Variants in PPP2R3A observed in about 807,000 individuals in gnomAD.
PPP2R3A encodes the protein serine/threonine-protein phosphatase 2A regulatory subunit B'' subunit alpha.
PPP2R3A carries 80 observed loss-of-function variants against 106.9 expected under a neutral mutation model. The observed-to-expected ratio is 0.75, with a 90% CI of 0.62 to 0.90. The LOEUF (loss-of-function observed/expected upper bound fraction) is 0.90, where lower values mean the gene tolerates loss of function less well. PPP2R3A is among the 40% of genes least tolerant of loss of function. The pLI is 0.00. For synonymous variants in PPP2R3A, 483 were observed against 468.3 expected (o/e 1.03, Z -0.41); for missense variants, 1,386 against 1,350.4 (o/e 1.03, Z -0.41).
At chr3:136,098,276 A>G (rs935987953) in intron 10 of PPP2R3A, among the ~76,000 whole-genome samples, 1 of 152,218 alleles carries the variant, frequency 6.6e-6, no homozygotes, top group African/African-American at 2.4e-5. Context: ...TGATTGCAGT[A>G]CTGCACTCCA....
In PPP2R3A at chr3:136,003,000, C is replaced by T. The variant is rs755183479; in HGVS notation, c.1502C>T (p.Thr501Ile). The change falls in exon 2 of 14, where the codon ACA (threonine) becomes ATA (isoleucine). Residue 501 changes from threonine to isoleucine, a missense_variant. Transcript: ENST00000264977. The stretch of plus-strand genomic sequence containing the variant: ...GAAGAGGGAGACCAGAGAGATTTTA[C>T]AAATTCCAGTAGCCAGGAAGAGATA... Reference protein sequence around the residue: ...KFEEGDQRDFTNSSSQEEIDK... With the variant: ...KFEEGDQRDFINSSSQEEIDK... The T allele has an allele frequency of 3.8e-5, 61 of 1,613,542 alleles. No homozygotes were observed. The highest frequency in any genetic ancestry group is 4.7e-5 in the Non-Finnish European group (56 of 1,179,826).
chr3:136,059,297 A>G (rs1214551873), intron 5 of PPP2R3A, among the ~76,000 whole-genome samples: 2 of 152,080 alleles, frequency 1.3e-5, no homozygotes, highest in Non-Finnish European at 2.9e-5. Flanking sequence ...CAAGAAAAAA[A>G]AACATAAAAA....
intron 3 of PPP2R3A, among the ~76,000 whole-genome samples, chr3:136,035,280 TTTTTTG>T (rs1259176107): frequency 6.6e-6 from 1 of 152,126 alleles, no homozygotes; most frequent in Non-Finnish European, 1.5e-5. Context: ...TATATCTTGG[TTTTTTG>T]TTTTTGTTTT....
intron 13 of PPP2R3A, among the ~76,000 whole-genome samples, chr3:136,118,093 AT>A (rs1292465455): frequency 2.0e-5 from 3 of 152,204 alleles, no homozygotes; most frequent in Admixed American, 6.5e-5. Flanking sequence ...AGTAAATGTA[AT>A]TCCATCACAT....
chr3:135,986,419 T>C lies in PPP2R3A; in HGVS notation c.-440-14640T>C, dbSNP rs1389392128. Among the ~76,000 whole-genome samples the C allele has an allele frequency of 3.9e-5, 6 of 152,178 alleles. 1 individual carries two copies. The highest frequency in any genetic ancestry group is 3.9e-4 in the Admixed American group (6 of 15,266). On this transcript the variant is annotated intron_variant, in intron 1 of 13. Transcript: ENST00000264977. ...ACAGAGCCAGTTAAATCCAGTTCTTTGCCTATTCTATGCCTGTAAAACCAT... is the reference window on the plus strand; with the variant it reads ...ACAGAGCCAGTTAAATCCAGTTCTTCGCCTATTCTATGCCTGTAAAACCAT...
At chr3:136,016,360 ATTGT>A (rs1264405348) in intron 2 of PPP2R3A, among the ~76,000 whole-genome samples, 2 of 152,058 alleles carry the variant, frequency 1.3e-5, no homozygotes, top group East Asian at 1.9e-4. Flanking sequence ...GTTTAAGTCC[ATTGT>A]TTGTTTGTTG....
chr3:135,979,073 G>A (rs1243432135), intron 1 of PPP2R3A, among the ~76,000 whole-genome samples: 1 of 151,726 alleles, frequency 6.6e-6, no homozygotes, highest in African/African-American at 2.4e-5. Context: ...GAAGTTTGCA[G>A]TATTACTTTT....
Position 136,040,897 on chromosome 3 carries a change from C to G in PPP2R3A, c.2301C>G (p.Phe767Leu), listed in dbSNP as rs773418302. 3 of 1,613,430 alleles carry G rather than the reference C, an allele frequency of 1.9e-6. No individual in the cohort carries two copies. In the South Asian group the frequency reaches 3.3e-5, roughly 18 times the overall value. ...CTCTCTATTGGAAAGCCCCCATGTT[C>G]AGGGCTGCAGGGGGAGAGAAGACAG... ...GCPLYWKAPM[F>L]RAAGGEKTGF... The change falls in exon 4 of 14, where the codon TTC becomes TTG. Residue 767 changes from phenylalanine (F) to leucine (L), a missense_variant. Physicochemically the swap from Phe to Leu is conservative, Grantham distance 22 (BLOSUM62 0). Transcript: ENST00000264977.
At chr3:136,057,057 C>T (rs1935888830) in intron 5 of PPP2R3A, among the ~76,000 whole-genome samples, 1 of 144,254 alleles carries the variant, frequency 6.9e-6, no homozygotes, top group African/African-American at 2.5e-5. Flanking sequence ...GGTGAGGATG[C>T]AGAGAAAGAG....
At chr3:136,137,474 A>G (rs1938664161) in intron 13 of PPP2R3A, among the ~76,000 whole-genome samples, 1 of 148,622 alleles carries the variant, frequency 6.7e-6, no homozygotes, top group Non-Finnish European at 1.5e-5. Context: ...TTTTCTATTG[A>G]ATGTTTTTAA....
chr3:136,012,567 T>G (rs1314069356), intron 2 of PPP2R3A, among the ~76,000 whole-genome samples: 2 of 151,998 alleles, frequency 1.3e-5, no homozygotes, highest in Non-Finnish European at 2.9e-5. Context: ...TACCACTACC[T>G]GGCCTCCTTT....
Position 136,002,774 on chromosome 3 carries a change from G to A in PPP2R3A, c.1276G>A (p.Ala426Thr), listed in dbSNP as rs986114375. ...TGAAGAAGAGTCAGATGGAAAGAAA[G>A]CATTAGATAAAGGACAAAAGACAGA... ...YIEEESDGKK[A>T]LDKGQKTENG... is the part of the protein sequence containing the mutation. Residue 426 changes from alanine to threonine, a missense_variant, in exon 2 of 14, where the codon GCA (alanine) becomes ACA (threonine). Physicochemically the swap from Ala to Thr is moderately conservative, Grantham distance 58. Transcript: ENST00000264977. 1 of 1,613,274 alleles carries A rather than the reference G, an allele frequency of 6.2e-7. No homozygotes were observed. The highest frequency in any genetic ancestry group is 8.5e-7 in the Non-Finnish European group (1 of 1,179,604).
Position 136,004,949 on chromosome 3 carries a change from A to G in PPP2R3A, c.1995+1456A>G, listed in dbSNP as rs144719290. Among the ~76,000 whole-genome samples, 27 of 152,306 alleles carry G rather than the reference A, an allele frequency of 1.8e-4. No homozygotes were observed. In the South Asian group the frequency reaches 4.6e-3, roughly 26 times the overall value. On this transcript the variant is annotated intron_variant, in intron 2 of 13. Transcript: ENST00000264977. ...GTGGCCAAGTTAAAATACAAGTTAC[A>G]TATTAGGCTTCTCATTACAACTGTC...
At chr3:136,010,528 A>G (rs1286334390) in intron 2 of PPP2R3A, among the ~76,000 whole-genome samples, 115 of 128,176 alleles carry the variant, frequency 9.0e-4, no homozygotes, top group African/African-American at 3.2e-3. Flanking sequence ...CCGGGTTCAC[A>G]CCATACTCCT....
chr3:136,001,699 T>A lies in PPP2R3A; in HGVS notation c.201T>A (p.Asp67Glu). 1.2e-6 allele frequency: 2 copies of A among 1,614,106 alleles called. No homozygotes were observed. Among genetic ancestry groups the A allele is most frequent in the East Asian group, 2.2e-5 (1 of 44,884 alleles). Reference protein sequence around the residue: ...HIPVSQFKDADLNSMFLPHEN... With the variant: ...HIPVSQFKDAELNSMFLPHEN... ...CTGTGTCTCAGTTCAAAGATGCAGA[T>A]CTGAACTCTATGTTTCTACCCCATG... Residue 67 changes from aspartate (D) to glutamate (E), a missense_variant, in exon 2 of 14, where the codon GAT becomes GAA. By Grantham distance (45) the Asp-to-Glu change is conservative. Coordinates refer to ENST00000264977, the MANE Select transcript of PPP2R3A (RefSeq NM_002718.5).
chr3:136,076,783 C>A (rs1936610822), intron 6 of PPP2R3A, among the ~76,000 whole-genome samples: 1 of 151,930 alleles, frequency 6.6e-6, no homozygotes, highest in Non-Finnish European at 1.5e-5. Context: ...CCCGTCTCAA[C>A]TAAAAAACAA....
intron 10 of PPP2R3A, among the ~76,000 whole-genome samples, chr3:136,100,513 T>TAAAAAA (rs778637778): frequency 7.2e-6 from 1 of 139,166 alleles, no homozygotes; most frequent in East Asian, 2.0e-4. Context: ...CGTCTCTCCT[T>TAAAAAA]AAAAAAAAAA....
chr3:135,972,319 G>A (rs1019273381), intron 1 of PPP2R3A, among the ~76,000 whole-genome samples: 39 of 152,108 alleles, frequency 2.6e-4, no homozygotes, highest in African/African-American at 9.2e-4. Flanking sequence ...TTCTTTCTTT[G>A]GCTGAATAAT....
intron 4 of PPP2R3A, among the ~76,000 whole-genome samples, chr3:136,041,634 A>C (rs1280328075): frequency 6.6e-6 from 1 of 151,472 alleles, no homozygotes; most frequent in East Asian, 1.9e-4. Flanking sequence ...TGGGGGGCAA[A>C]TCAGATGTGT....
Sources: gnomAD v4.1 joint callset for allele counts (sites outside exome capture counted in the v4.1 genomes callset) on GRCh38, gnomAD v4.1.1 for gene constraint, MANE v1.5 for transcripts, NCBI Gene and HGNC (gene_info 2026-07-23, HGNC 2026-07-21) for gene names.